CFAP58: variants seen among roughly 807,000 people sequenced by gnomAD.
The protein encoded by CFAP58 is cilia- and flagella-associated protein 58.
CFAP58 carries 88 observed loss-of-function variants against 119.5 expected under a neutral mutation model. The observed-to-expected ratio is 0.74, with a 90% CI of 0.62 to 0.88. CFAP58 has a LOEUF of 0.88. Ranked by LOEUF, CFAP58 falls within the 40% of genes least tolerant of loss-of-function variation. The probability of loss-of-function intolerance (pLI) is 0.00; values close to 1 mark genes in which losing one functional copy is unlikely to be tolerated. For synonymous variants in CFAP58, 365 were observed against 366.3 expected, an observed-to-expected ratio of 1.00 and a Z score of 0.04; for missense variants, 990 against 1,021.2, an observed-to-expected ratio of 0.97 and a Z score of 0.42.
chr10:104,420,452 C>G (rs1311668273), intron 15 of CFAP58, among the ~76,000 whole-genome samples: 1 of 152,192 alleles, frequency 6.6e-6, no homozygotes, highest in Non-Finnish European at 1.5e-5. Flanking sequence ...CAGATGACTT[C>G]TGGAGTCCAG....
rs544826621 is a variant in CFAP58, at chr10:104,399,381, C to A, written c.1696C>A (p.Gln566Lys). ...TLKAELQKLR[Q>K]QALETKHFIE... Reference sequence around the variant, plus strand: ...TCAGGCTGAGCTGCAGAAGCTGAGACAACAAGCCCTGGAGACAAAACACTT... The same window carrying A: ...TCAGGCTGAGCTGCAGAAGCTGAGAAAACAAGCCCTGGAGACAAAACACTT... Residue 566 changes from glutamine (Q) to lysine (K), a missense_variant, in exon 12 of 18, where the codon CAA becomes AAA. By Grantham distance (53) the Gln-to-Lys change is moderately conservative. Coordinates refer to ENST00000369704, the MANE Select transcript of CFAP58 (RefSeq NM_001008723.2). 6 of 1,613,616 alleles carry A rather than the reference C, an allele frequency of 3.7e-6. No homozygotes were observed. Among genetic ancestry groups the A allele is most frequent in the Non-Finnish European group, 4.2e-6 (5 of 1,179,814 alleles).
At chr10:104,432,029 C>T (rs1195051880) in intron 15 of CFAP58, among the ~76,000 whole-genome samples, 2 of 152,072 alleles carry the variant, frequency 1.3e-5, no homozygotes, top group African/African-American at 4.8e-5. Context: ...AGGGGCATCC[C>T]TGTACAAGTT....
intron 11 of CFAP58, among the ~76,000 whole-genome samples, chr10:104,396,369 TGAGAGAGAGAGAGAGAGAGAGAGAGA>T (rs57210958): frequency 0.075 from 6,473 of 86,626 alleles, 165 homozygotes; most frequent in Non-Finnish European, 0.087. Flanking sequence ...CTGTTATCCA[TGAGAGAGAGAGAGAGAGAGAGAGAGA>T]GAGAGAGAGA....
intron 10 of CFAP58, 87 bp downstream of exon 10, chr10:104,392,481 G>A: frequency 3.2e-6 from 3 of 924,216 alleles, no homozygotes; most frequent in South Asian, 2.2e-5. Flanking sequence ...GCAGAATTTA[G>A]AATAGATTAA....
intron 15 of CFAP58, among the ~76,000 whole-genome samples, chr10:104,416,322 G>A (rs2012553225): frequency 6.6e-6 from 1 of 152,160 alleles, no homozygotes; most frequent in South Asian, 2.1e-4. Flanking sequence ...ATTGTCACAT[G>A]CATTCTTTTA....
Position 104,376,466 on chromosome 10 carries a change from G to A in CFAP58, c.1091-345G>A, listed in dbSNP as rs186801943. On this transcript the variant is annotated intron_variant, in intron 7 of 17. Coordinates refer to ENST00000369704, the MANE Select transcript of CFAP58 (RefSeq NM_001008723.2). ...GTTGTAGAGCCGAGATTGTGCCACT[G>A]CACTCCAGCCTGGGCGACAGAGCAA... 1.2e-4 allele frequency among the ~76,000 whole-genome samples: 17 copies of A among 142,446 alleles called. No homozygotes were observed. In the East Asian group the frequency reaches 3.5e-3, roughly 29 times the overall value. The allele number at this position is 142,446 out of a possible 152,430, so 93.5% of individuals were successfully genotyped here.
chr10:104,345,239 C>T, the CFAP58 span, among the ~76,000 whole-genome samples: 2 of 151,992 alleles, frequency 1.3e-5, no homozygotes, highest in South Asian at 2.1e-4. Flanking sequence ...GTTCAGTAGT[C>T]AACTTTTTTT....
intron 12 of CFAP58, 72 bp downstream of exon 12, chr10:104,399,572 T>G: frequency 6.7e-7 from 1 of 1,494,578 alleles, no homozygotes. Context: ...CCTTCGAAAC[T>G]TCCTTCCTCT....
chr10:104,424,454 C>G (rs2012710657), intron 15 of CFAP58, among the ~76,000 whole-genome samples: 1 of 152,170 alleles, frequency 6.6e-6, no homozygotes, highest in African/African-American at 2.4e-5. Context: ...TAAATTAAGA[C>G]AGCCTGCTTG....
intron 9 of CFAP58, among the ~76,000 whole-genome samples, chr10:104,388,570 G>A (rs1340623325): frequency 6.6e-6 from 1 of 152,174 alleles, no homozygotes; most frequent in Non-Finnish European, 1.5e-5. Flanking sequence ...TGCAGAGTGA[G>A]TTTTTCAGTT....
chr10:104,358,858 G>A lies in CFAP58; in HGVS notation c.291+236G>A, dbSNP rs997647624. On this transcript the variant is annotated intron_variant, in intron 2 of 17. Coordinates refer to ENST00000369704, the MANE Select transcript of CFAP58 (RefSeq NM_001008723.2). ...ACTTGTTTGGTTTCTGGGAAATAAT[G>A]GGTTAGGAAAAAGATTTAGAGATAA... Among the ~76,000 whole-genome samples the A allele has an allele frequency of 6.6e-5, 10 of 152,244 alleles. No individual in the cohort carries two copies. In the South Asian group the frequency reaches 2.1e-3, roughly 32 times the overall value.
At chr10:104,389,084 G>C (rs555334464) in intron 9 of CFAP58, among the ~76,000 whole-genome samples, 1 of 152,156 alleles carries the variant, frequency 6.6e-6, no homozygotes, top group Non-Finnish European at 1.5e-5. Context: ...GCTGACAAGA[G>C]GTTTGGCTAC....
chr10:104,367,424 A>G (rs556849665), intron 5 of CFAP58, among the ~76,000 whole-genome samples: 22 of 152,358 alleles, frequency 1.4e-4, no homozygotes, highest in African/African-American at 4.3e-4. Context: ...AAAAATAGAT[A>G]TAAATATACT....
the CFAP58 span, among the ~76,000 whole-genome samples, chr10:104,348,029 T>G: frequency 1.3e-5 from 2 of 152,142 alleles, no homozygotes; most frequent in Admixed American, 1.3e-4. Context: ...TGTTATAAAT[T>G]CCAAGGGAAA....
rs538694701 is a variant in CFAP58 at position 104,421,045 on chromosome 10, A to G, written c.2256+14252A>G. 2.0e-5 allele frequency among the ~76,000 whole-genome samples: 3 copies of G among 152,174 alleles called. No homozygotes were observed. The East Asian group carries it at 5.8e-4, about 29-fold the overall frequency. On this transcript the variant is annotated intron_variant, in intron 15 of 17. Transcript: ENST00000369704. Reference sequence around the variant, plus strand: ...TGGAATTACACGCATGAGCCACCGCACCTGGCCTCCTCCCTTCCATTTTCA... The same window carrying G: ...TGGAATTACACGCATGAGCCACCGCGCCTGGCCTCCTCCCTTCCATTTTCA...
At chr10:104,397,454 C>T (rs1475219982) in intron 11 of CFAP58, among the ~76,000 whole-genome samples, 2 of 152,212 alleles carry the variant, frequency 1.3e-5, no homozygotes, top group African/African-American at 4.8e-5. Context: ...ACAAGGTACA[C>T]AGTATCTTTT....
intron 15 of CFAP58, among the ~76,000 whole-genome samples, chr10:104,421,056 T>G (rs1248931734): frequency 6.6e-6 from 1 of 152,070 alleles, no homozygotes; most frequent in East Asian, 1.9e-4. Context: ...CCTGGCCTCC[T>G]CCCTTCCATT....
intron 15 of CFAP58, among the ~76,000 whole-genome samples, chr10:104,414,305 A>G (rs1021970671): frequency 2.0e-5 from 3 of 152,222 alleles, no homozygotes; most frequent in Non-Finnish European, 4.4e-5. Flanking sequence ...TTGGCCCACA[A>G]GTGGATAGTT....
At chr10:104,394,756 AATATAC>A (rs1393425391) in intron 11 of CFAP58, among the ~76,000 whole-genome samples, 1 of 152,246 alleles carries the variant, frequency 6.6e-6, no homozygotes, top group Non-Finnish European at 1.5e-5. Context: ...TATATAAAGA[AATATAC>A]ATATATTTTC....
Sources: allele counts gnomAD v4.1 joint callset (sites outside exome capture counted in the v4.1 genomes callset), GRCh38; gene constraint gnomAD v4.1.1; transcripts MANE v1.5; gene names NCBI Gene and HGNC (gene_info 2026-07-23, HGNC 2026-07-21).